Variants in ZC2HC1B observed in about 807,000 individuals in gnomAD.
ZC2HC1B encodes zinc finger C2HC domain-containing protein 1B.
Under a neutral mutation model 31.0 loss-of-function variants are expected in ZC2HC1B, and 36 were observed. That is an observed-to-expected ratio of 1.16 (90% CI 0.89 to 1.54). The LOEUF (loss-of-function observed/expected upper bound fraction) is 1.54. ZC2HC1B is among the 40% of genes most tolerant of loss of function. The probability of loss-of-function intolerance (pLI) is 0.00; values close to 1 mark genes in which losing one functional copy is unlikely to be tolerated. For missense variants in ZC2HC1B, 260 were observed against 268.6 expected (o/e 0.97, Z 0.22); for synonymous variants, 73 against 88.0 (o/e 0.83, Z 0.95).
chr6:143,876,883 A>C lies in ZC2HC1B; in HGVS notation c.29-7421A>C, dbSNP rs2128493450. Among the ~76,000 whole-genome samples, 2 of 150,368 alleles carry C rather than the reference A, an allele frequency of 1.3e-5. 1 individual carries two copies. Among genetic ancestry groups the C allele is most frequent in the South Asian group, 4.4e-4 (2 of 4,592 alleles). On this transcript the variant is annotated intron_variant, in intron 1 of 7. Coordinates refer to ENST00000237275, the MANE Select transcript of ZC2HC1B (RefSeq NM_001013623.3). ...TCTAGCCTTGCTGGCAGCTGATTAGATGGTGCCCACTGAGATTGAGGGTGG... is the reference window on the plus strand; with the variant it reads ...TCTAGCCTTGCTGGCAGCTGATTAGCTGGTGCCCACTGAGATTGAGGGTGG...
At chr6:143,912,135 T>C (rs1777867940) in intron 6 of ZC2HC1B, among the ~76,000 whole-genome samples, 1 of 152,234 alleles carries the variant, frequency 6.6e-6, no homozygotes, top group Non-Finnish European at 1.5e-5. Flanking sequence ...TGTTTCTCTT[T>C]AAACTGGCTA....
At chr6:143,866,978 C>T (rs1358496014) in intron 1 of ZC2HC1B, among the ~76,000 whole-genome samples, 1 of 152,154 alleles carries the variant, frequency 6.6e-6, no homozygotes, top group Non-Finnish European at 1.5e-5. Flanking sequence ...AATCCAAAAA[C>T]GTTGAGTGCC....
chr6:143,903,280 T>C lies in ZC2HC1B; in HGVS notation c.598+128T>C. The C allele has an allele frequency of 1.2e-6, 1 of 819,724 alleles. No homozygotes were observed. The highest frequency in any genetic ancestry group is 2.0e-6 in the Non-Finnish European group (1 of 509,896). 50.8% of individuals were successfully genotyped at this position (819,724 alleles called of 1,614,324 possible). ...ACTGTTGCTTTTGGATGCAAAGATA[T>C]TTGGGTTAGAGGTTAAAGCTTATTT... is the stretch of plus-strand genomic sequence containing the variant. On this transcript the variant is annotated intron_variant, in intron 6 of 7. Transcript: ENST00000237275. The surrounding 1 kb of genome is among the most constrained non-coding windows in gnomAD (Gnocchi z 4.3).
At position 143,933,687 on chromosome 6, in the gene ZC2HC1B, C is replaced by T. The variant is rs1439750596; in HGVS notation, c.599-3962C>T. Among the ~76,000 whole-genome samples, 6 of 152,152 alleles carry T rather than the reference C, an allele frequency of 3.9e-5. No homozygotes were observed. Among genetic ancestry groups the T allele is most frequent in the African/African-American group, 7.2e-5 (3 of 41,454 alleles). On this transcript the variant is annotated intron_variant, in intron 6 of 7. Transcript: ENST00000237275. This position sits in a 1 kb window ranked among gnomAD's most constrained non-coding sequence, Gnocchi z 6.4. ...CTCACTCCCACCGTGCCCTGCTAAC[C>T]GTGCCAAGTTTATCTCTAGGCAGCC...
chr6:143,893,787 C>T (rs141399114), intron 4 of ZC2HC1B, among the ~76,000 whole-genome samples: 5,054 of 152,012 alleles, frequency 0.033, 100 homozygotes, highest in East Asian at 0.087. Flanking sequence ...CCCAGGTTCA[C>T]GCCATTCTCC....
chr6:143,898,582 G>A lies in ZC2HC1B; in HGVS notation c.380G>A (p.Arg127Lys), dbSNP rs1446073861. 6.4e-7 allele frequency: 1 copy of A among 1,551,744 alleles called. No individual in the cohort carries two copies. Among genetic ancestry groups the A allele is most frequent in the African/African-American group, 1.4e-5 (1 of 73,164 alleles). ...DYIQRPYCMR[R>K]FNESAAERHT... ...ATTCAACGTCCATATTGTATGAGAAGGTTTAATGAAAGCGCAGCTGAGCGA... is the reference window on the plus strand; with the variant it reads ...ATTCAACGTCCATATTGTATGAGAAAGTTTAATGAAAGCGCAGCTGAGCGA... Residue 127 changes from arginine to lysine, a missense_variant, in exon 5 of 8, where the codon AGG becomes AAG. Coordinates refer to ENST00000237275, the MANE Select transcript of ZC2HC1B (RefSeq NM_001013623.3).
chr6:143,901,590 T>A (rs1777739488), intron 5 of ZC2HC1B, among the ~76,000 whole-genome samples: 1 of 152,138 alleles, frequency 6.6e-6, no homozygotes, highest in African/African-American at 2.4e-5. Context: ...ATAATTTAGG[T>A]AAACTTGGCC....
chr6:143,875,865 G>C (rs1225172897), intron 1 of ZC2HC1B, among the ~76,000 whole-genome samples: 1 of 150,630 alleles, frequency 6.6e-6, no homozygotes, highest in African/African-American at 2.5e-5. Context: ...GCTGACAGCA[G>C]CACGGGTCGG....
At chr6:143,888,315 AT>A (rs1461295573) in intron 4 of ZC2HC1B, among the ~76,000 whole-genome samples, 1 of 151,992 alleles carries the variant, frequency 6.6e-6, no homozygotes, top group African/African-American at 2.4e-5. Context: ...TATTCTAGTA[AT>A]TTTTGACATC....
Position 143,875,078 on chromosome 6 carries a change from C to T in ZC2HC1B, c.29-9226C>T, listed in dbSNP as rs138957194. Among the ~76,000 whole-genome samples the T allele has an allele frequency of 5.3e-3, 804 of 152,268 alleles. 8 individuals are homozygous for T. Among genetic ancestry groups the T allele is most frequent in the African/African-American group, 0.018 (766 of 41,542 alleles). On this transcript the variant is annotated intron_variant, in intron 1 of 7. Transcript: ENST00000237275. ...GAACTCCTGACCTCAAGTGATCTGC[C>T]CACCTCAGCTTTCCAGAGTGTTCAG...
At position 143,899,566 on chromosome 6, in the gene ZC2HC1B, G is replaced by T. The variant is rs920542735; in HGVS notation, c.489+875G>T. On this transcript the variant is annotated intron_variant, in intron 5 of 7. Transcript: ENST00000237275. The surrounding 1 kb of genome is among the most constrained non-coding windows in gnomAD (Gnocchi z 5.0). Reference sequence around the variant, plus strand: ...AATTTTTTGTATTTTTAGTAGAGATGGGGTCTCACTGTGTTGCTCAGGCTG... The same window carrying T: ...AATTTTTTGTATTTTTAGTAGAGATTGGGTCTCACTGTGTTGCTCAGGCTG... Among the ~76,000 whole-genome samples the T allele has an allele frequency of 1.3e-5, 2 of 152,110 alleles. No individual in the cohort carries two copies. The highest frequency in any genetic ancestry group is 4.8e-5 in the African/African-American group (2 of 41,408).
intron 6 of ZC2HC1B, among the ~76,000 whole-genome samples, chr6:143,910,067 A>G (rs780857509): frequency 1.3e-5 from 2 of 152,178 alleles, no homozygotes; most frequent in Non-Finnish European, 2.9e-5. Context: ...TCCTCTTAAC[A>G]CTGCTTTAGC....
intron 6 of ZC2HC1B, among the ~76,000 whole-genome samples, chr6:143,928,598 T>A (rs1358029050): frequency 6.6e-6 from 1 of 151,656 alleles, no homozygotes; most frequent in African/African-American, 2.4e-5. Flanking sequence ...ATTTTAGGAT[T>A]TTTTTTTTCT....
In ZC2HC1B at chr6:143,865,130, T is replaced by A. The variant is rs1777241136; in HGVS notation, c.28+563T>A. ...TACTCCAAACTTAAATATTTTAATT[T>A]TATTCTGAAGAACAAATTCATGATA... On this transcript the variant is annotated intron_variant, in intron 1 of 7. Transcript: ENST00000237275. The surrounding 1 kb of genome is among the most constrained non-coding windows in gnomAD (Gnocchi z 4.4). Among the ~76,000 whole-genome samples, 1 of 152,224 alleles carries A rather than the reference T, an allele frequency of 6.6e-6. No homozygotes were observed. The highest frequency in any genetic ancestry group is 1.5e-5 in the Non-Finnish European group (1 of 68,036).
intron 4 of ZC2HC1B, among the ~76,000 whole-genome samples, chr6:143,897,807 C>T (rs1383976662): frequency 6.6e-6 from 1 of 152,182 alleles, no homozygotes; most frequent in Non-Finnish European, 1.5e-5. Flanking sequence ...AACATCCCAT[C>T]TCCCTCTGTA....
At position 143,924,431 on chromosome 6, in the gene ZC2HC1B, G is replaced by A. The variant is rs1164059298; in HGVS notation, c.599-13218G>A. Among the ~76,000 whole-genome samples, 1 of 151,634 alleles carries A rather than the reference G, an allele frequency of 6.6e-6. No individual in the cohort carries two copies. Among genetic ancestry groups the A allele is most frequent in the Non-Finnish European group, 1.5e-5 (1 of 67,902 alleles). On this transcript the variant is annotated intron_variant, in intron 6 of 7. Transcript: ENST00000237275. This position sits in a 1 kb window ranked among gnomAD's most constrained non-coding sequence, Gnocchi z 5.2. ...CACATATATCCATGTTATCTACAAAGAGGGACAGTTTGACTTCCTCTATTC... is the reference window on the plus strand; with the variant it reads ...CACATATATCCATGTTATCTACAAAAAGGGACAGTTTGACTTCCTCTATTC...
chr6:143,874,414 T>G (rs1283277206), intron 1 of ZC2HC1B, among the ~76,000 whole-genome samples: 1 of 152,202 alleles, frequency 6.6e-6, no homozygotes, highest in Non-Finnish European at 1.5e-5. Flanking sequence ...TTCCACATTT[T>G]CGGGTATCTT....
chr6:143,891,430 G>T (rs1378720888), intron 4 of ZC2HC1B, among the ~76,000 whole-genome samples: 1 of 151,966 alleles, frequency 6.6e-6, no homozygotes, highest in African/African-American at 2.4e-5. Flanking sequence ...GCCAGGCGTG[G>T]TGGCTCACAC....
Position 143,903,657 on chromosome 6 carries a change from T to A in ZC2HC1B, c.598+505T>A, listed in dbSNP as rs539738162. On this transcript the variant is annotated intron_variant, in intron 6 of 7. Transcript: ENST00000237275. This position sits in a 1 kb window ranked among gnomAD's most constrained non-coding sequence, Gnocchi z 4.3. ...ACATAAGTCAAGAATTTCTGTACAG[T>A]CATCCCTCGGTATCCACAGGGGATT... 2.0e-5 allele frequency among the ~76,000 whole-genome samples: 3 copies of A among 152,268 alleles called. No homozygotes were observed. In the South Asian group the frequency reaches 6.2e-4, roughly 32 times the overall value.
Sources: allele counts gnomAD v4.1 joint callset (sites outside exome capture counted in the v4.1 genomes callset), GRCh38; gene constraint gnomAD v4.1.1; non-coding constraint Gnocchi (gnomAD v3.1); transcripts MANE v1.5; gene names NCBI Gene and HGNC (gene_info 2026-07-23, HGNC 2026-07-21).